Variants in PCDHA1 observed in about 807,000 individuals in gnomAD.
The protein encoded by PCDHA1 is protocadherin alpha 1.
PCDHA1 carries 42 observed loss-of-function variants against 61.3 expected under a neutral mutation model. The ratio of observed to expected loss-of-function variants is 0.69; its 90% CI spans 0.54 to 0.89. The LOEUF (loss-of-function observed/expected upper bound fraction) is 0.89, where lower values mean the gene tolerates loss of function less well. PCDHA1 is among the 40% of genes least tolerant of loss of function. PCDHA1 has a pLI of 0.00. For synonymous variants in PCDHA1, 610 were observed against 553.8 expected, an observed-to-expected ratio of 1.10 and a Z score of -1.43; for missense variants, 1,256 against 1,235.3, an observed-to-expected ratio of 1.02 and a Z score of -0.25.
intron 1 of PCDHA1, chr5:140,842,872 G>A (rs1554139490): frequency 4.4e-6 from 7 of 1,594,088 alleles, no homozygotes; most frequent in Middle Eastern, 2.1e-4. Context: ...GCGGCAAGGT[G>A]TACGCGCTGC....
chr5:140,865,916 T>C (rs1446855400), intron 1 of PCDHA1: 1 of 152,190 alleles, frequency 6.6e-6, no homozygotes, highest in Non-Finnish European at 1.5e-5. Context: ...TTTCTTTCTG[T>C]TGTGCTTAGA....
chr5:140,869,430 C>T (rs73793507), intron 1 of PCDHA1: 3 of 1,614,154 alleles, frequency 1.9e-6, no homozygotes, highest in South Asian at 2.2e-5. Context: ...TGGAGGTGAT[C>T]GTGGACAGGC....
chr5:140,884,764 T>C (rs2060348326), intron 1 of PCDHA1: 1 of 1,417,012 alleles, frequency 7.1e-7, no homozygotes, highest in Non-Finnish European at 9.3e-7. Flanking sequence ...TATTCTTTAC[T>C]TTAATTTTAA....
chr5:140,876,924 G>A, intron 1 of PCDHA1: 4 of 1,613,824 alleles, frequency 2.5e-6, no homozygotes, highest in Non-Finnish European at 3.4e-6. Flanking sequence ...ACGCGGACGC[G>A]CAGAAGAACG....
intron 1 of PCDHA1, among the ~76,000 whole-genome samples, chr5:140,911,106 G>T (rs192768876): frequency 6.6e-6 from 1 of 152,214 alleles, no homozygotes; most frequent in Non-Finnish European, 1.5e-5. Flanking sequence ...TGCCTCAGGG[G>T]AAGCCATCAC....
rs147995655 is a variant in PCDHA1, at chr5:140,849,740, C to G, written c.2394+61056C>G. 79 of 1,598,306 alleles carry G rather than the reference C, an allele frequency of 4.9e-5. 7 individuals are homozygous for G. In the African/African-American group the frequency reaches 8.5e-4, roughly 17 times the overall value. On this transcript the variant is annotated intron_variant, in intron 1 of 3. Transcript: ENST00000504120. ...TGGTGCTGGACAGAGCTCTGGACCG[C>G]GAGAGTGTGTCCGCCTACGAGCTGG...
At chr5:140,929,195 G>GT in intron 1 of PCDHA1, 2 of 1,614,140 alleles carry the variant, frequency 1.2e-6, no homozygotes, top group Non-Finnish European at 1.7e-6. Context: ...GATAATAACA[G>GT]TTTGCTGTTG....
intron 1 of PCDHA1, among the ~76,000 whole-genome samples, chr5:140,931,177 A>G (rs1288307941): frequency 1.3e-5 from 2 of 152,200 alleles, no homozygotes; most frequent in African/African-American, 4.8e-5. Context: ...ATTTTAGGGA[A>G]GGAAATTGGT....
chr5:140,837,517 T>G (rs11420784), intron 1 of PCDHA1, among the ~76,000 whole-genome samples: 2 of 28,958 alleles, frequency 6.9e-5, no homozygotes, highest in African/African-American at 3.1e-4. Context: ...AGCAGTTTAC[T>G]TTTTTTGTAT....
chr5:140,877,408 C>A, intron 1 of PCDHA1: 1 of 1,613,924 alleles, frequency 6.2e-7, no homozygotes, highest in South Asian at 1.1e-5. Context: ...TCCGCGCCAC[C>A]GCCTGCTGGT....
chr5:140,967,665 C>A, intron 1 of PCDHA1: 1 of 1,614,154 alleles, frequency 6.2e-7, no homozygotes, highest in Non-Finnish European at 8.5e-7. Context: ...AGCAGCTACA[C>A]GTCGGACCGG....
chr5:140,897,548 A>G (rs1417180451), intron 1 of PCDHA1, among the ~76,000 whole-genome samples: 6 of 152,098 alleles, frequency 3.9e-5, no homozygotes, highest in Admixed American at 2.6e-4. Context: ...ATAGTCTTCC[A>G]TGGTGTATAT....
intron 1 of PCDHA1, chr5:140,796,190 T>C: frequency 1.2e-6 from 2 of 1,614,216 alleles, no homozygotes; most frequent in Non-Finnish European, 8.5e-7. Flanking sequence ...TCGTTGGTGC[T>C]GGACAGCGCC....
chr5:140,787,479 C>T lies in PCDHA1; in HGVS notation c.1189C>T (p.Leu397=), dbSNP rs782411631. ...CTTAATGCCCCACGTCCCCTTCAAG[C>T]TGGTGTCCACCTTCAAGAATTACTA... ...CSLMPHVPFK[L]VSTFKNYYSL... is the part of the protein sequence containing the mutation. Residue 397 remains leucine, a synonymous_variant, in exon 1 of 4, where the codon CTG becomes TTG. Transcript: ENST00000504120. 30 of 1,614,252 alleles carry T rather than the reference C, an allele frequency of 1.9e-5. 1 individual carries two copies. The Middle Eastern group carries it at 4.6e-3, about 249-fold the overall frequency.
At chr5:140,966,790 T>C in intron 1 of PCDHA1, 1 of 1,529,556 alleles carries the variant, frequency 6.5e-7, no homozygotes, top group Non-Finnish European at 8.8e-7. Context: ...GCACCAGACC[T>C]GCGGCGACAG....
chr5:140,876,034 A>G, intron 1 of PCDHA1: 1 of 1,613,792 alleles, frequency 6.2e-7, no homozygotes, highest in Admixed American at 1.7e-5. Flanking sequence ...AAAAAAAGAT[A>G]AAAGTATATT....
rs782065488 is a variant in PCDHA1 at position 140,788,699 on chromosome 5, C to A, written c.2394+15C>A. ...TTTCTGGTAATGTAAGTCCAACTTT[C>A]GAGTTTTGGCTTTAAATATTTTTCA... On this transcript the variant is annotated intron_variant, in intron 1 of 3. Coordinates refer to ENST00000504120, the MANE Select transcript of PCDHA1 (RefSeq NM_018900.4). The A allele has an allele frequency of 1.3e-6, 2 of 1,525,368 alleles. No individual in the cohort carries two copies. Among genetic ancestry groups the A allele is most frequent in the Admixed American group, 2.2e-5 (1 of 44,732 alleles). 94.5% of individuals were successfully genotyped at this position (1,525,368 alleles called of 1,614,324 possible).
At chr5:140,801,917 A>G (rs1554121766) in intron 1 of PCDHA1, 1 of 1,614,218 alleles carries the variant, frequency 6.2e-7, no homozygotes, top group Non-Finnish European at 8.5e-7. Flanking sequence ...ACAACGCCCC[A>G]GCGTTTGAGA....
Position 140,842,861 on chromosome 5 carries a change from A to G in PCDHA1, c.2394+54177A>G, listed in dbSNP as rs2150346552. Reference sequence around the variant, plus strand: ...GAGCTACATTTCGGTGCACACGGAGAGCGGCAAGGTGTACGCGCTGCAGCC... The same window carrying G: ...GAGCTACATTTCGGTGCACACGGAGGGCGGCAAGGTGTACGCGCTGCAGCC... On this transcript the variant is annotated intron_variant, in intron 1 of 3. Coordinates refer to ENST00000504120, the MANE Select transcript of PCDHA1 (RefSeq NM_018900.4). 2.6e-5 allele frequency: 42 copies of G among 1,593,576 alleles called. 3 individuals are homozygous for G. In the South Asian group the frequency reaches 4.4e-4, roughly 17 times the overall value.
Sources: allele counts gnomAD v4.1 joint callset (sites outside exome capture counted in the v4.1 genomes callset), GRCh38; gene constraint gnomAD v4.1.1; transcripts MANE v1.5; gene names NCBI Gene and HGNC (gene_info 2026-07-23, HGNC 2026-07-21).